The following TUBGCP6 variants were observed in gnomAD, a reference collection of about 807,000 sequenced individuals.
TUBGCP6 encodes gamma-tubulin complex component 6.
A neutral mutation model predicts 175.8 loss-of-function variants in TUBGCP6; 161 were observed. The observed-to-expected ratio is 0.92, with a 90% CI of 0.81 to 1.04. The LOEUF (loss-of-function observed/expected upper bound fraction) is 1.04. Ranked by LOEUF, TUBGCP6 falls within the 50% of genes least tolerant of loss-of-function variation. TUBGCP6 has a pLI of 0.00. For missense variants in TUBGCP6, 2,572 were observed against 2,433.0 expected (o/e 1.06, Z -1.20); for synonymous variants, 1,173 against 1,030.5 (o/e 1.14, Z -2.65).
At position 50,221,334 on chromosome 22, in the gene TUBGCP6, G is replaced by T. The variant is rs764835176; in HGVS notation, c.3025C>A (p.Pro1009Thr). Residue 1009 changes from proline to threonine, a missense_variant, in exon 16 of 25, where the codon CCC (proline) becomes ACC (threonine). Pro to Thr is a conservative substitution (Grantham distance 38). Transcript: ENST00000248846. Reference sequence around the variant, plus strand: ...CCCTCCTCCAGAGCAGCACGCCTGGGTGGGTGTGAGGGGAGCAGAGTCTCC... The same window carrying T: ...CCCTCCTCCAGAGCAGCACGCCTGGTTGGGTGTGAGGGGAGCAGAGTCTCC... ...SRETLLPSHP[P>T]RRAALEEGSS... 6.2e-7 allele frequency: 1 copy of T among 1,613,062 alleles called. No homozygotes were observed. Among genetic ancestry groups the T allele is most frequent in the Non-Finnish European group, 8.5e-7 (1 of 1,179,922 alleles).
chr22:50,217,868 GAGCCCCGCCCTGGCCCCCCCGC>G, intron 24 of TUBGCP6, 28 bp downstream of exon 24: 1 of 1,610,392 alleles, frequency 6.2e-7, no homozygotes, highest in South Asian at 1.1e-5. Flanking sequence ...CCCACAGTGT[GAGCCCCGCCCTGGCCCCCCCGC>G]AGCCCTCCCA....
Position 50,219,163 on chromosome 22 carries a change from G to C in TUBGCP6, c.4531C>G (p.Leu1511Val), listed in dbSNP as rs1350004874. The C allele has an allele frequency of 1.2e-6, 2 of 1,612,384 alleles. No homozygotes were observed. The highest frequency in any genetic ancestry group is 1.7e-6 in the Non-Finnish European group (2 of 1,180,000). ...KAAVDYFFVE[L>V]HLEAHYEALR... is the part of the protein sequence containing the mutation. ...GCCTCATAGTGCGCCTCCAGGTGCA[G>C]CTCCACGAAGAAGTAGTCGACAGCG... Residue 1511 changes from leucine (L) to valine (V), a missense_variant, in exon 20 of 25, where the codon CTG becomes GTG. Coordinates refer to ENST00000248846, the MANE Select transcript of TUBGCP6 (RefSeq NM_020461.4).
intron 3 of TUBGCP6, among the ~76,000 whole-genome samples, chr22:50,232,168 C>T (rs1305341167): frequency 6.6e-6 from 1 of 151,722 alleles, no homozygotes; most frequent in African/African-American, 2.4e-5. Context: ...AGTCAAGAGA[C>T]CAGCCTGAGC....
rs1334933545 is a variant in TUBGCP6, at chr22:50,221,888, G to A, written c.2485-14C>T. ...CGGAGACGTGACCTGAAACACAGGTGACATCAGACCCAGTCTGGTCTCAGG... is the reference window on the plus strand; with the variant it reads ...CGGAGACGTGACCTGAAACACAGGTAACATCAGACCCAGTCTGGTCTCAGG... On this transcript the variant is annotated splice_polypyrimidine_tract_variant and intron_variant, in intron 15 of 24. Coordinates refer to ENST00000248846, the MANE Select transcript of TUBGCP6 (RefSeq NM_020461.4). The A allele has an allele frequency of 1.3e-6, 2 of 1,520,774 alleles. No homozygotes were observed. Among genetic ancestry groups the A allele is most frequent in the Admixed American group, 2.1e-5 (1 of 47,230 alleles). The allele number at this position is 1,520,774 out of a possible 1,614,324, so 94.2% of individuals were successfully genotyped here. A position where few individuals can be genotyped will look rare whatever the true frequency, so the allele number is the denominator to read the frequency against.
rs1404072440 is a variant in TUBGCP6, at chr22:50,220,901, G to A, written c.3458C>T (p.Pro1153Leu). Residue 1153 changes from proline to leucine, a missense_variant, in exon 16 of 25, where the codon CCC (proline) becomes CTC (leucine). By Grantham distance (98) the Pro-to-Leu change is moderately conservative. Coordinates refer to ENST00000248846, the MANE Select transcript of TUBGCP6 (RefSeq NM_020461.4). ...ATGGGTGTTCCACCGTGGCCGGGTG[G>A]GAGCCACGTCCGACACGTTCTCCCC... ...RVGENVSDVA[P>L]TRPRWNTHGH... 1.9e-6 allele frequency: 3 copies of A among 1,612,720 alleles called. No individual in the cohort carries two copies. The highest frequency in any genetic ancestry group is 2.5e-6 in the Non-Finnish European group (3 of 1,179,778).
chr22:50,224,739 C>T (rs920879544), intron 10 of TUBGCP6, 147 bp from the exon 11 acceptor site: 15 of 752,896 alleles, frequency 2.0e-5, no homozygotes, highest in Non-Finnish European at 3.2e-5. Flanking sequence ...AAAACCCATC[C>T]CTACTAAAAA....
chr22:50,223,856 G>T (rs1248407055), intron 13 of TUBGCP6: 2 of 280,758 alleles, frequency 7.1e-6, no homozygotes, highest in South Asian at 6.5e-5. Context: ...AAGGAAGGAT[G>T]TTCAGAAAGA....
At chr22:50,231,871 A>AG (rs1304271172) in intron 3 of TUBGCP6, among the ~76,000 whole-genome samples, 9 of 151,534 alleles carry the variant, frequency 5.9e-5, no homozygotes, top group African/African-American at 1.9e-4. Context: ...AAAAAAAAAA[A>AG]AAAGAAAAGA....
At chr22:50,241,919 C>G (rs1439914508) in intron 1 of TUBGCP6, among the ~76,000 whole-genome samples, 1 of 148,390 alleles carries the variant, frequency 6.7e-6, no homozygotes, top group Non-Finnish European at 1.5e-5. Flanking sequence ...CATCTCTGGT[C>G]TCCGCATATG....
intron 4 of TUBGCP6, among the ~76,000 whole-genome samples, chr22:50,228,976 G>C (rs1393980588): frequency 6.6e-6 from 1 of 152,138 alleles, no homozygotes; most frequent in Non-Finnish European, 1.5e-5. Context: ...CCAGCTTCAA[G>C]ACTCACCAAA....
chr22:50,225,692 GC>G (rs936614303), intron 10 of TUBGCP6, 101 bp downstream of exon 10: 1 of 1,424,720 alleles, frequency 7.0e-7, no homozygotes, highest in African/African-American at 1.4e-5. Flanking sequence ...CAGAAGGGAG[GC>G]CCCCATCTTG....
At position 50,221,322 on chromosome 22, in the gene TUBGCP6, C is replaced by T. The variant is rs1436171187; in HGVS notation, c.3037G>A (p.Ala1013Thr). ...GGCTGGCTGCTCCCCTCCTCCAGAG[C>T]AGCACGCCTGGGTGGGTGTGAGGGG... Reference protein sequence around the residue: ...LLPSHPPRRAALEEGSSQPTE... With the variant: ...LLPSHPPRRATLEEGSSQPTE... The change falls in exon 16 of 25, where the codon GCT becomes ACT. Residue 1013 changes from alanine to threonine, a missense_variant. Coordinates refer to ENST00000248846, the MANE Select transcript of TUBGCP6 (RefSeq NM_020461.4). 2 of 1,613,364 alleles carry T rather than the reference C, an allele frequency of 1.2e-6. No individual in the cohort carries two copies. Among genetic ancestry groups the T allele is most frequent in the Admixed American group, 1.7e-5 (1 of 60,030 alleles).
Position 50,244,430 on chromosome 22 carries a change from G to A in TUBGCP6, c.30C>T (p.Asp10=). Residue 10 remains aspartate (D), a synonymous_variant, in exon 1 of 25, where the codon GAC becomes GAT. Coordinates refer to ENST00000248846, the MANE Select transcript of TUBGCP6 (RefSeq NM_020461.4). MASITQLFD[D]LCEALLPAAK... The stretch of plus-strand genomic sequence containing the variant: ...CAGCCGGCAGGAGGGCCTCACACAG[G>A]TCGTCGAACAGCTGCGTGATGCTGG... 1.2e-6 allele frequency: 2 copies of A among 1,612,700 alleles called. No homozygotes were observed. Among genetic ancestry groups the A allele is most frequent in the Non-Finnish European group, 1.7e-6 (2 of 1,179,832 alleles).
At chr22:50,236,713 C>G (rs2064782341) in intron 2 of TUBGCP6, among the ~76,000 whole-genome samples, 1 of 152,214 alleles carries the variant, frequency 6.6e-6, no homozygotes, top group South Asian at 2.1e-4. Flanking sequence ...TGGGGCCGCT[C>G]TGGACCCCAG....
chr22:50,228,280 G>A (rs904309016), intron 4 of TUBGCP6, among the ~76,000 whole-genome samples: 2 of 47,634 alleles, frequency 4.2e-5, no homozygotes. Context: ...TGCCCCAGGG[G>A]CGCCCACCAC....
Position 50,233,533 on chromosome 22 carries a change from G to A in TUBGCP6, c.906-7C>T. On this transcript the variant is annotated splice_polypyrimidine_tract_variant and splice_region_variant and intron_variant, in intron 2 of 24. Transcript: ENST00000248846. ...CTCTCTGTGGCCAGGGGGGCTGCGAGGGGTGCAGAAGAGAGGCCATGAGCA... is the reference window on the plus strand; with the variant it reads ...CTCTCTGTGGCCAGGGGGGCTGCGAAGGGTGCAGAAGAGAGGCCATGAGCA... 1 of 1,598,088 alleles carries A rather than the reference G, an allele frequency of 6.3e-7. No homozygotes were observed. The highest frequency in any genetic ancestry group is 8.5e-7 in the Non-Finnish European group (1 of 1,172,822).
At chr22:50,223,780 C>CAA (rs34989677) in intron 13 of TUBGCP6, 988 of 64,114 alleles carry the variant, frequency 0.015, 1 homozygote, top group Middle Eastern at 0.034. Context: ...ACTCTGTTTC[C>CAA]AAAAAAAAAA....
In TUBGCP6 at chr22:50,217,808, G is replaced by T. The variant is rs768366546; in HGVS notation, c.5388C>A (p.Asn1796Lys). 3 of 1,613,820 alleles carry T rather than the reference G, an allele frequency of 1.9e-6. No homozygotes were observed. In the African/African-American group the frequency reaches 4.0e-5, roughly 22 times the overall value. ...FLFKVVTKLV[N>K]RGYQPHLEDF... Reference sequence around the variant, plus strand: ...CCTCCAGGTGGGGCTGGTAGCCGCGGTTCACCAGCTTGGTCACCACTGGGG... The same window carrying T: ...CCTCCAGGTGGGGCTGGTAGCCGCGTTTCACCAGCTTGGTCACCACTGGGG... The change falls in exon 25 of 25, where the codon AAC (asparagine) becomes AAA (lysine). Residue 1796 changes from asparagine (N) to lysine (K), a missense_variant. Coordinates refer to ENST00000248846, the MANE Select transcript of TUBGCP6 (RefSeq NM_020461.4).
chr22:50,219,405 G>A lies in TUBGCP6; in HGVS notation c.4367C>T (p.Ala1456Val), dbSNP rs765708458. The A allele has an allele frequency of 1.3e-6, 2 of 1,571,444 alleles. No individual in the cohort carries two copies. Residue 1456 changes from alanine (A) to valine (V), a missense_variant, in exon 19 of 25, where the codon GCC becomes GTC. Transcript: ENST00000248846. ...CTGGACCTGGGGGTCCACGGGGAAG[G>A]CGAAGGCCCGGGGAAGCACGGGGCG... ...LLRPVLPRAF[A>V]FPVDPQVQSA...
Sources: allele counts gnomAD v4.1 joint callset (sites outside exome capture counted in the v4.1 genomes callset), GRCh38; gene constraint gnomAD v4.1.1; transcripts MANE v1.5; gene names NCBI Gene and HGNC (gene_info 2026-07-23, HGNC 2026-07-21).